The following FRMD4A variants were observed in gnomAD, a reference collection of about 807,000 sequenced individuals.
FRMD4A encodes the protein FERM domain containing 4A.
A neutral mutation model predicts 129.1 loss-of-function variants in FRMD4A; 29 were observed. The observed-to-expected ratio is 0.22, with a 90% CI of 0.17 to 0.31. FRMD4A has a LOEUF of 0.31. Ranked by LOEUF, FRMD4A falls within the 10% of genes least tolerant of loss-of-function variation. The pLI, the probability that FRMD4A is intolerant of heterozygous loss-of-function variation, is 1.00. For synonymous variants in FRMD4A, 634 were observed against 571.6 expected, an observed-to-expected ratio of 1.11 and a Z score of -1.56; for missense variants, 1,272 against 1,375.8, an observed-to-expected ratio of 0.92 and a Z score of 1.19.
rs189529917 is a variant in FRMD4A, at chr10:13,680,442, A to G, written c.1118-5398T>C. 5.5e-4 allele frequency among the ~76,000 whole-genome samples: 84 copies of G among 151,650 alleles called. 1 individual carries two copies. In the East Asian group the frequency reaches 0.016, roughly 28 times the overall value. On this transcript the variant is annotated intron_variant, in intron 15 of 24. Coordinates refer to ENST00000357447, the MANE Select transcript of FRMD4A (RefSeq NM_018027.5). ...TTTAGCCCCTTGGAAATTAAAAAAA[A>G]AAGGGCTGGGTGTCGTGGCTCATGC...
chr10:14,252,767 C>G (rs867533328), intron 2 of FRMD4A, among the ~76,000 whole-genome samples: 5 of 152,334 alleles, frequency 3.3e-5, no homozygotes, highest in South Asian at 2.1e-4. Flanking sequence ...TACTTTGAGA[C>G]CATGTAAATA....
intron 12 of FRMD4A, among the ~76,000 whole-genome samples, chr10:13,720,342 C>T (rs1286134986): frequency 6.6e-6 from 1 of 152,248 alleles, no homozygotes; most frequent in African/African-American, 2.4e-5. Context: ...AGCTACTGCA[C>T]CTGGCCCCAG....
At chr10:14,256,812 G>C (rs945483620) in intron 2 of FRMD4A, among the ~76,000 whole-genome samples, 1 of 151,680 alleles carries the variant, frequency 6.6e-6, no homozygotes, top group African/African-American at 2.4e-5. Flanking sequence ...GCGAGACTCT[G>C]TCTCTTCAAA....
intron 3 of FRMD4A, among the ~76,000 whole-genome samples, chr10:13,818,290 G>A (rs1010285712): frequency 6.6e-6 from 1 of 151,978 alleles, no homozygotes; most frequent in African/African-American, 2.4e-5. Flanking sequence ...AGTCTCCTGA[G>A]TAGGGGGGGA....
intron 2 of FRMD4A, among the ~76,000 whole-genome samples, chr10:14,038,774 A>G (rs1833626044): frequency 1.3e-5 from 2 of 152,212 alleles, no homozygotes; most frequent in Admixed American, 1.3e-4. Context: ...GACTTTAGTG[A>G]GCTAAAACTT....
At position 13,804,502 on chromosome 10, in the gene FRMD4A, C is replaced by T. The variant is rs569616581; in HGVS notation, c.206+6312G>A. ...CTTCCTGGCAGTGGTTCTAAAGATGCATCTTCAATGAGTCAGGACTTTTTC... is the reference window on the plus strand; with the variant it reads ...CTTCCTGGCAGTGGTTCTAAAGATGTATCTTCAATGAGTCAGGACTTTTTC... On this transcript the variant is annotated intron_variant, in intron 4 of 24. Transcript: ENST00000357447. 4.1e-5 allele frequency among the ~76,000 whole-genome samples: 6 copies of T among 146,386 alleles called. No individual in the cohort carries two copies. The South Asian group carries it at 1.1e-3, about 26-fold the overall frequency.
At chr10:13,686,297 A>G (rs904457569) in intron 15 of FRMD4A, among the ~76,000 whole-genome samples, 3 of 152,266 alleles carry the variant, frequency 2.0e-5, no homozygotes, top group African/African-American at 4.8e-5. Flanking sequence ...GACAAAACCG[A>G]AAAACGTCGT....
chr10:13,928,015 CCTTTTTT>C (rs2095152826), intron 2 of FRMD4A, among the ~76,000 whole-genome samples: 1 of 101,840 alleles, frequency 9.8e-6, no homozygotes, highest in African/African-American at 3.5e-5. Context: ...ACTTAACATA[CCTTTTTT>C]TTTTTTTTTT....
At chr10:13,994,436 C>G (rs1384235937) in intron 2 of FRMD4A, among the ~76,000 whole-genome samples, 1 of 151,976 alleles carries the variant, frequency 6.6e-6, no homozygotes, top group South Asian at 2.1e-4. Flanking sequence ...CTCGGCCTCC[C>G]AAAGTACTGG....
intron 2 of FRMD4A, among the ~76,000 whole-genome samples, chr10:13,995,917 C>T (rs951312206): frequency 1.4e-4 from 21 of 151,990 alleles, no homozygotes; most frequent in Non-Finnish European, 2.8e-4. Context: ...GCCCTCTCCT[C>T]GTCCTCCCTT....
At chr10:13,665,902 A>C (rs138903305) in intron 18 of FRMD4A, among the ~76,000 whole-genome samples, 195 bp downstream of exon 18, 1 of 152,346 alleles carries the variant, frequency 6.6e-6, no homozygotes, top group East Asian at 1.9e-4. Flanking sequence ...CAATCCCTTC[A>C]TCTGTGTCTG....
chr10:14,109,014 C>A (rs1231902351), intron 2 of FRMD4A, among the ~76,000 whole-genome samples: 2 of 152,098 alleles, frequency 1.3e-5, no homozygotes, highest in African/African-American at 4.8e-5. Context: ...TGATAACATT[C>A]AATTTACCAC....
intron 12 of FRMD4A, among the ~76,000 whole-genome samples, chr10:13,722,411 ATT>A (rs766466135): frequency 2.1e-5 from 3 of 142,078 alleles, no homozygotes; most frequent in Non-Finnish European, 1.5e-5. Flanking sequence ...AAAAAAAAAA[ATT>A]TTTTTTTTTT....
At chr10:14,296,654 G>A (rs1846019038) in intron 2 of FRMD4A, among the ~76,000 whole-genome samples, 2 of 152,266 alleles carry the variant, frequency 1.3e-5, no homozygotes, top group South Asian at 4.2e-4. Context: ...AATGCCAAAA[G>A]GGAATTCATG....
At chr10:14,008,068 C>T (rs781383150) in intron 2 of FRMD4A, 1 of 1,303,740 alleles carries the variant, frequency 7.7e-7, no homozygotes, top group Non-Finnish European at 1.0e-6. Flanking sequence ...ACCCTTTCAA[C>T]GCTGCGCCTT....
rs536040977 is a variant in FRMD4A, at chr10:13,800,425, T to C, written c.207-3837A>G. Among the ~76,000 whole-genome samples, 47 of 152,304 alleles carry C rather than the reference T, an allele frequency of 3.1e-4. No individual in the cohort carries two copies. The South Asian group carries it at 9.3e-3, about 30-fold the overall frequency. On this transcript the variant is annotated intron_variant, in intron 4 of 24. Transcript: ENST00000357447. Reference sequence around the variant, plus strand: ...GATAAACAGTCTGATGGGAATAACCTTTTCATTATTCTCACAAGACAAGGC... The same window carrying C: ...GATAAACAGTCTGATGGGAATAACCCTTTCATTATTCTCACAAGACAAGGC...
At chr10:13,743,149 T>C (rs1024362233) in intron 9 of FRMD4A, among the ~76,000 whole-genome samples, 2 of 152,184 alleles carry the variant, frequency 1.3e-5, no homozygotes, top group African/African-American at 4.8e-5. Context: ...TATCCTCTAT[T>C]CAGAAAGGGG....
chr10:14,181,696 A>T (rs1841919917), intron 2 of FRMD4A, among the ~76,000 whole-genome samples: 1 of 151,974 alleles, frequency 6.6e-6, no homozygotes, highest in African/African-American at 2.4e-5. Flanking sequence ...ATTACCATGA[A>T]TTTTTTTTAT....
intron 2 of FRMD4A, among the ~76,000 whole-genome samples, chr10:14,243,834 A>AT (rs937009082): frequency 6.6e-6 from 1 of 151,878 alleles, no homozygotes; most frequent in African/African-American, 2.4e-5. Context: ...CCACAATTAA[A>AT]AAAAAAAAAA....
Sources: gnomAD v4.1 joint callset for allele counts (sites outside exome capture counted in the v4.1 genomes callset) on GRCh38, gnomAD v4.1.1 for gene constraint, MANE v1.5 for transcripts, NCBI Gene and HGNC (gene_info 2026-07-23, HGNC 2026-07-21) for gene names.